Variants in ALK observed in about 807,000 individuals in gnomAD.
ALK encodes the protein ALK tyrosine kinase receptor.
Under a neutral mutation model 163.1 loss-of-function variants are expected in ALK, and 74 were observed. The ratio of observed to expected loss-of-function variants is 0.45; its 90% CI spans 0.38 to 0.55. ALK has a LOEUF of 0.55. ALK is among the 20% of genes least tolerant of loss of function. ALK has a pLI of 0.00. For synonymous variants in ALK, 960 were observed against 843.2 expected, an observed-to-expected ratio of 1.14 and a Z score of -2.40; for missense variants, 2,063 against 2,105.3, an observed-to-expected ratio of 0.98 and a Z score of 0.39.
rs1021483040 is a variant in ALK at position 29,193,382 on chromosome 2, C to T, written c.4705G>A (p.Val1569Ile). The T allele has an allele frequency of 1.2e-6, 2 of 1,614,146 alleles. No homozygotes were observed. Among genetic ancestry groups the T allele is most frequent in the African/African-American group, 1.3e-5 (1 of 75,022 alleles). ...AAGTGACGTAGCCTGAACAGAGGTACCTCCTTCATATTGGCAGTCAGCGAA... is the reference window on the plus strand; with the variant it reads ...AAGTGACGTAGCCTGAACAGAGGTATCTCCTTCATATTGGCAGTCAGCGAA... Reference protein sequence around the residue: ...PSSLTANMKEVPLFRLRHFPC... With the variant: ...PSSLTANMKEIPLFRLRHFPC... Residue 1569 changes from valine to isoleucine, a missense_variant, in exon 29 of 29, where the codon GTA (valine) becomes ATA (isoleucine). Physicochemically the swap from Val to Ile is conservative, Grantham distance 29. Coordinates refer to ENST00000389048, the MANE Select transcript of ALK (RefSeq NM_004304.5).
chr2:29,779,642 T>A (rs72788228), intron 1 of ALK, among the ~76,000 whole-genome samples: 4,598 of 152,312 alleles, frequency 0.03, 84 homozygotes, highest in East Asian at 0.079. Flanking sequence ...AGGAAGCCAG[T>A]CTTTGGTTCT....
chr2:29,908,180 A>C (rs143252697), intron 1 of ALK, among the ~76,000 whole-genome samples: 329 of 152,252 alleles, frequency 2.2e-3, no homozygotes, highest in African/African-American at 7.3e-3. Context: ...TCTAGCATCA[A>C]ATCAAAATTC....
chr2:29,308,999 T>C (rs1666622643), intron 8 of ALK, among the ~76,000 whole-genome samples: 1 of 152,158 alleles, frequency 6.6e-6, no homozygotes, highest in Admixed American at 6.5e-5. Context: ...TCAGTCACAC[T>C]GTCATGGTGT....
chr2:29,643,917 C>A, intron 3 of ALK, among the ~76,000 whole-genome samples: 1 of 152,082 alleles, frequency 6.6e-6, no homozygotes, highest in East Asian at 1.9e-4. Flanking sequence ...TGAGGGATTA[C>A]AAAACATGCT....
intron 1 of ALK, among the ~76,000 whole-genome samples, chr2:29,762,021 T>A (rs192429168): frequency 6.6e-6 from 1 of 152,320 alleles, no homozygotes; most frequent in African/African-American, 2.4e-5. Context: ...AGTAGGGGAA[T>A]AATCGCAATC....
chr2:29,645,508 A>G (rs571528269), intron 3 of ALK, among the ~76,000 whole-genome samples: 114 of 152,296 alleles, frequency 7.5e-4, no homozygotes, highest in African/African-American at 2.4e-3. Flanking sequence ...ACTCCATTAG[A>G]ATCATCATAA....
chr2:29,632,104 G>A (rs1676395089), intron 3 of ALK, among the ~76,000 whole-genome samples: 1 of 152,200 alleles, frequency 6.6e-6, no homozygotes, highest in Middle Eastern at 3.2e-3. Context: ...CATGTAGAAA[G>A]TTTCTTCTTC....
chr2:29,605,075 C>A (rs1558404899), intron 3 of ALK, among the ~76,000 whole-genome samples: 1 of 152,166 alleles, frequency 6.6e-6, no homozygotes, highest in Non-Finnish European at 1.5e-5. Context: ...TGGATTACTT[C>A]AGTTTCAAAA....
rs547572696 is a variant in ALK at position 29,695,316 on chromosome 2, T to C, written c.788-302A>G. 7.2e-5 allele frequency among the ~76,000 whole-genome samples: 11 copies of C among 152,208 alleles called. No homozygotes were observed. The East Asian group carries it at 2.1e-3, about 29-fold the overall frequency. ...CATCTTGTGAAGTTACCTGAAGACA[T>C]AGAGAGGGCCTGAGGGTGAGTGGGC... is the stretch of plus-strand genomic sequence containing the variant. On this transcript the variant is annotated intron_variant, in intron 2 of 28. Coordinates refer to ENST00000389048, the MANE Select transcript of ALK (RefSeq NM_004304.5).
At chr2:29,729,912 G>T (rs1331183124) in intron 1 of ALK, among the ~76,000 whole-genome samples, 1 of 151,874 alleles carries the variant, frequency 6.6e-6, no homozygotes, top group Non-Finnish European at 1.5e-5. Context: ...ATTGCATATT[G>T]GTTTGTGACT....
chr2:29,487,798 G>A (rs1016751930), intron 4 of ALK, among the ~76,000 whole-genome samples: 1 of 151,970 alleles, frequency 6.6e-6, no homozygotes, highest in Non-Finnish European at 1.5e-5. Context: ...TCATTTTACC[G>A]AGACAGAACC....
intron 4 of ALK, among the ~76,000 whole-genome samples, chr2:29,431,950 G>T (rs1009772269): frequency 6.6e-6 from 1 of 151,772 alleles, no homozygotes; most frequent in African/African-American, 2.4e-5. Context: ...GTCCAGTCCC[G>T]TCCCATCCCA....
At chr2:29,219,903 G>A (rs1045972785) in intron 23 of ALK, among the ~76,000 whole-genome samples, 3 of 152,150 alleles carry the variant, frequency 2.0e-5, no homozygotes, top group African/African-American at 4.8e-5. Context: ...CTAAATATAC[G>A]GTTGGAATGT....
intron 3 of ALK, among the ~76,000 whole-genome samples, chr2:29,541,696 A>G (rs1322409787): frequency 6.6e-6 from 1 of 152,192 alleles, no homozygotes; most frequent in Non-Finnish European, 1.5e-5. Flanking sequence ...CTGCTTGGAG[A>G]GTCAGAAAAC....
chr2:29,348,387 G>A (rs78911219), intron 5 of ALK, among the ~76,000 whole-genome samples: 1,857 of 152,312 alleles, frequency 0.012, 47 homozygotes, highest in African/African-American at 0.043. Context: ...TTTGGTATTT[G>A]TGCATCCTCG....
chr2:29,612,300 C>T (rs570861377), intron 3 of ALK, among the ~76,000 whole-genome samples: 5 of 152,154 alleles, frequency 3.3e-5, no homozygotes, highest in Non-Finnish European at 5.9e-5. Flanking sequence ...ACGTCTTCCC[C>T]TCCTGTGCTT....
intron 7 of ALK, chr2:29,319,017 C>T (rs1339912175): frequency 6.4e-6 from 1 of 155,482 alleles, no homozygotes. Flanking sequence ...CATTTTCAGT[C>T]ATGCGTGGCC....
Position 29,227,652 on chromosome 2 carries a change from T to C in ALK, c.2836A>G (p.Asn946Asp), listed in dbSNP as rs1573132720. Residue 946 changes from asparagine to aspartate, a missense_variant, in exon 17 of 29, where the codon AAT becomes GAT. Around this residue, in one of 5 missense-constraint regions of ALK, gnomAD observed 575 missense variants for 626.6 expected, o/e 0.92. Transcript: ENST00000389048. The surrounding 1 kb of genome is among the most constrained non-coding windows in gnomAD (Gnocchi z 4.4). Reference sequence around the variant, plus strand: ...TCTTCCCCATCCATTTCGGGGTCATTGTTTGAGGCTGCATTGCCGCCTGAG... The same window carrying C: ...TCTTCCCCATCCATTTCGGGGTCATCGTTTGAGGCTGCATTGCCGCCTGAG... Reference protein sequence around the residue: ...GYIGGNAASNNDPEMDGEDGV... With the variant: ...GYIGGNAASNDDPEMDGEDGV... 6.2e-7 allele frequency: 1 copy of C among 1,613,978 alleles called. No homozygotes were observed. Among genetic ancestry groups the C allele is most frequent in the Non-Finnish European group, 8.5e-7 (1 of 1,180,034 alleles).
At chr2:29,442,179 A>AC (rs1263643913) in intron 4 of ALK, among the ~76,000 whole-genome samples, 7 of 152,216 alleles carry the variant, frequency 4.6e-5, no homozygotes, top group African/African-American at 1.4e-4. Flanking sequence ...ATGACACTTG[A>AC]CCGGTAAAAA....
Sources: allele counts gnomAD v4.1 joint callset (sites outside exome capture counted in the v4.1 genomes callset), GRCh38; gene constraint gnomAD v4.1.1; regional missense constraint gnomAD v4.1.1; non-coding constraint Gnocchi (gnomAD v3.1); transcripts MANE v1.5; gene names NCBI Gene and HGNC (gene_info 2026-07-23, HGNC 2026-07-21).